Variants in WDR27 observed in about 807,000 individuals in gnomAD.
WDR27 encodes WD repeat domain 27.
In WDR27, 100 loss-of-function variants were observed where a neutral mutation model predicts 114.4. The ratio of observed to expected loss-of-function variants is 0.87; its 90% CI spans 0.74 to 1.03. The LOEUF (loss-of-function observed/expected upper bound fraction) is 1.03, where lower values mean the gene tolerates loss of function less well. Among genes scored for constraint, WDR27 ranks in the 50% least tolerant of loss-of-function variants. WDR27 has a pLI of 0.00. For missense variants in WDR27, 1,129 were observed against 1,092.9 expected, an observed-to-expected ratio of 1.03 and a Z score of -0.47; for synonymous variants, 449 against 423.1, an observed-to-expected ratio of 1.06 and a Z score of -0.75.
intron 2 of WDR27, among the ~76,000 whole-genome samples, chr6:169,685,621 G>A (rs1054985810): frequency 3.9e-5 from 6 of 152,244 alleles, no homozygotes; most frequent in African/African-American, 1.2e-4. Flanking sequence ...TCACGCTGAA[G>A]AAAGAATTTC....
intron 25 of WDR27, among the ~76,000 whole-genome samples, chr6:169,468,354 TCA>T (rs1372276912): frequency 1.3e-5 from 2 of 152,192 alleles, no homozygotes; most frequent in African/African-American, 4.8e-5. Context: ...TTTACCTGAC[TCA>T]CAGTTCTGCA....
chr6:169,679,481 A>G (rs1486482525), intron 2 of WDR27, among the ~76,000 whole-genome samples: 1 of 152,178 alleles, frequency 6.6e-6, no homozygotes, highest in Admixed American at 6.5e-5. Context: ...TGTAATCCCC[A>G]GTGTTGGAGG....
At chr6:169,560,257 T>G (rs1799500100) in intron 25 of WDR27, among the ~76,000 whole-genome samples, 1 of 152,172 alleles carries the variant, frequency 6.6e-6, no homozygotes, top group Non-Finnish European at 1.5e-5. Flanking sequence ...TCTCATTCTC[T>G]CTTCCCTGCC....
chr6:169,653,562 A>T (rs1823184324), intron 13 of WDR27, among the ~76,000 whole-genome samples: 1 of 152,244 alleles, frequency 6.6e-6, no homozygotes, highest in South Asian at 2.1e-4. Context: ...CATTAGCATC[A>T]TTACTACATA....
chr6:169,686,932 TA>T (rs1783127529), intron 2 of WDR27, among the ~76,000 whole-genome samples: 1 of 152,046 alleles, frequency 6.6e-6, no homozygotes, highest in South Asian at 2.1e-4. Context: ...TGTGGAAACT[TA>T]AAAAGTGGAT....
intron 1 of WDR27, among the ~76,000 whole-genome samples, chr6:169,700,802 A>G (rs1009056847): frequency 6.6e-6 from 1 of 152,266 alleles, no homozygotes; most frequent in Admixed American, 6.5e-5. Context: ...CATTTAAACA[A>G]TGCAGAAATA....
At chr6:169,634,600 A>T (rs1817222103) in intron 19 of WDR27, 75 bp from the exon 20 acceptor site, 2 of 927,326 alleles carry the variant, frequency 2.2e-6, no homozygotes, top group Non-Finnish European at 3.3e-6. Context: ...CTTTAAAAAC[A>T]TTAAACATGA....
At chr6:169,639,617 A>G (rs73790077) in intron 17 of WDR27, among the ~76,000 whole-genome samples, 29,380 of 152,158 alleles carry the variant, frequency 0.19, 3,148 homozygotes, top group African/African-American at 0.28. Flanking sequence ...TCTGAATATC[A>G]GCAGTGTGTG....
intron 25 of WDR27, among the ~76,000 whole-genome samples, chr6:169,510,555 C>T (rs984189178): frequency 6.8e-6 from 1 of 147,812 alleles, no homozygotes; most frequent in African/African-American, 2.5e-5. Context: ...ACCGCATGTT[C>T]TCACCCATAG....
chr6:169,555,384 G>C (rs1367831424), intron 25 of WDR27, among the ~76,000 whole-genome samples: 1 of 152,092 alleles, frequency 6.6e-6, no homozygotes, highest in African/African-American at 2.4e-5. Context: ...AGAGGGCTCT[G>C]GGGACCAGTG....
chr6:169,638,811 G>A (rs1032456015), intron 17 of WDR27, among the ~76,000 whole-genome samples, 151 bp from the exon 18 acceptor site: 1 of 152,248 alleles, frequency 6.6e-6, no homozygotes, highest in African/African-American at 2.4e-5. Flanking sequence ...TCGCCACAGT[G>A]AGGCTGCAGA....
At chr6:169,626,976 C>A (rs9371154) in intron 21 of WDR27, among the ~76,000 whole-genome samples, 1 of 152,092 alleles carries the variant, frequency 6.6e-6, no homozygotes, top group Admixed American at 6.5e-5. Context: ...AGCAGCTGCC[C>A]TTCTCCTGAC....
chr6:169,678,970 A>G (rs1562913722), intron 2 of WDR27, among the ~76,000 whole-genome samples: 1 of 152,212 alleles, frequency 6.6e-6, no homozygotes, highest in East Asian at 1.9e-4. Flanking sequence ...GAAGTCTGCT[A>G]TCTGAGAGCT....
intron 7 of WDR27, 160 bp from the exon 8 acceptor site, chr6:169,664,446 C>T: frequency 6.7e-7 from 1 of 1,492,092 alleles, no homozygotes; most frequent in South Asian, 1.3e-5. Flanking sequence ...CTTCAACATC[C>T]CCTCTGGAGG....
At chr6:169,614,382 T>C (rs1811310235) in intron 21 of WDR27, among the ~76,000 whole-genome samples, 1 of 152,078 alleles carries the variant, frequency 6.6e-6, no homozygotes, top group Non-Finnish European at 1.5e-5. Context: ...AGTTCAATAA[T>C]AACAAACTAA....
intron 20 of WDR27, 95 bp downstream of exon 20, chr6:169,634,333 A>G: frequency 1.2e-6 from 1 of 851,126 alleles, no homozygotes; most frequent in Non-Finnish European, 1.8e-6. Flanking sequence ...AGCCCCACAC[A>G]ATGCCTGACA....
chr6:169,429,485 A>G, the WDR27 span, among the ~76,000 whole-genome samples: 1 of 146,708 alleles, frequency 6.8e-6, no homozygotes, highest in Non-Finnish European at 1.5e-5. Flanking sequence ...AAAGACTTTT[A>G]AAATTTTATT....
the WDR27 span, among the ~76,000 whole-genome samples, chr6:169,448,102 A>G: frequency 6.6e-6 from 1 of 152,226 alleles, no homozygotes; most frequent in East Asian, 1.9e-4. Flanking sequence ...ATAATATACT[A>G]ATATTTTACA....
chr6:169,492,853 T>C (rs1185435375), intron 25 of WDR27, among the ~76,000 whole-genome samples: 1 of 152,130 alleles, frequency 6.6e-6, no homozygotes, highest in Admixed American at 6.5e-5. Context: ...TTAAGAACTT[T>C]TCCTTGTCTA....
Sources: allele counts gnomAD v4.1 joint callset (sites outside exome capture counted in the v4.1 genomes callset), GRCh38; gene constraint gnomAD v4.1.1; transcripts MANE v1.5; gene names NCBI Gene and HGNC (gene_info 2026-07-23, HGNC 2026-07-21).